Variants in GTF2IRD1 observed in about 807,000 individuals in gnomAD.
GTF2IRD1 encodes general transcription factor II-I repeat domain-containing protein 1.
In GTF2IRD1, 26 loss-of-function variants were observed where a neutral mutation model predicts 113.2. The ratio of observed to expected loss-of-function variants is 0.23; its 90% CI spans 0.17 to 0.32. The LOEUF (loss-of-function observed/expected upper bound fraction) is 0.32. GTF2IRD1 is among the 10% of genes least tolerant of loss of function. The probability of loss-of-function intolerance (pLI) is 1.00; values close to 1 mark genes in which losing one functional copy is unlikely to be tolerated. For missense variants in GTF2IRD1, 864 were observed against 1,280.8 expected, an observed-to-expected ratio of 0.67 and a Z score of 4.97; for synonymous variants, 484 against 529.1, an observed-to-expected ratio of 0.91 and a Z score of 1.17.
intron 25 of GTF2IRD1, among the ~76,000 whole-genome samples, chr7:74,596,822 C>A (rs1802444748): frequency 6.6e-6 from 1 of 152,084 alleles, no homozygotes; most frequent in Non-Finnish European, 1.5e-5. Flanking sequence ...AAGTACTAAC[C>A]AGGCCCGACC....
At chr7:74,586,350 G>A (rs13244286) in intron 22 of GTF2IRD1, among the ~76,000 whole-genome samples, 9,812 of 152,178 alleles carry the variant, frequency 0.064, 373 homozygotes, top group Middle Eastern at 0.14. Flanking sequence ...AGGAGAAGAC[G>A]AGGGTTCTAG....
Position 74,558,279 on chromosome 7 carries a change from C to CA in GTF2IRD1, c.2108-563dup, listed in dbSNP as rs142472718. On this transcript the variant is annotated intron_variant, in intron 20 of 26. Coordinates refer to ENST00000424337, the MANE Select transcript of GTF2IRD1 (RefSeq NM_005685.4). ...AGGCAACAAAAGCGAAACTCCGTCT[C>CA]AAAAAAAAAAAAAAAAAAATGGAGC... Among the ~76,000 whole-genome samples, 170 of 60,780 alleles carry CA rather than the reference C, an allele frequency of 2.8e-3. 1 individual carries two copies. Among genetic ancestry groups the CA allele is most frequent in the Middle Eastern group, 0.022 (3 of 136 alleles). The allele number at this position is 60,780 out of a possible 152,430, so 39.9% of individuals were successfully genotyped here.
At chr7:74,525,521 G>A (rs2130371669) in intron 8 of GTF2IRD1, among the ~76,000 whole-genome samples, 1 of 152,314 alleles carries the variant, frequency 6.6e-6, no homozygotes, top group East Asian at 1.9e-4. Context: ...GGAGGCCGAG[G>A]CAGGTGAATC....
At chr7:74,482,318 C>T (rs1036006140) in intron 1 of GTF2IRD1, among the ~76,000 whole-genome samples, 6 of 149,226 alleles carry the variant, frequency 4.0e-5, no homozygotes, top group Non-Finnish European at 8.9e-5. Context: ...GCCTCAACCT[C>T]ATGGGATCAA....
rs1368791009 is a variant in GTF2IRD1 at position 74,551,044 on chromosome 7, A to G, written c.1916+3758A>G. Among the ~76,000 whole-genome samples, 5 of 151,408 alleles carry G rather than the reference A, an allele frequency of 3.3e-5. No individual in the cohort carries two copies. In the East Asian group the frequency reaches 9.8e-4, roughly 30 times the overall value. ...TGACAGAGCAAGACCTCGTCCCTTT[A>G]AAAATACAAAGAGAGGCCGGGGCAT... On this transcript the variant is annotated intron_variant, in intron 17 of 26. Transcript: ENST00000424337.
rs1381882988 is a variant in GTF2IRD1, at chr7:74,575,048, C to T, written c.2321-14803C>T. ...GAAGTTGCAGTGAGCCGAGATTGCG[C>T]CATTGCGCTCCAGCTTGGGCAACAA... On this transcript the variant is annotated intron_variant, in intron 22 of 26. Transcript: ENST00000424337. Among the ~76,000 whole-genome samples the T allele has an allele frequency of 5.8e-4, 88 of 152,112 alleles. 2 individuals are homozygous for T. Among genetic ancestry groups the T allele is most frequent in the Non-Finnish European group, 2.9e-4 (20 of 68,044 alleles).
intron 25 of GTF2IRD1, among the ~76,000 whole-genome samples, chr7:74,597,693 A>G (rs782243906): frequency 6.6e-6 from 1 of 152,298 alleles, no homozygotes; most frequent in South Asian, 2.1e-4. Context: ...AAGAAAAAAT[A>G]CTGATCTAAT....
At chr7:74,466,780 G>C (rs2116956542) in intron 1 of GTF2IRD1, among the ~76,000 whole-genome samples, 1 of 152,192 alleles carries the variant, frequency 6.6e-6, no homozygotes, top group African/African-American at 2.4e-5. Flanking sequence ...CACAGACAGA[G>C]TGTGACTTCC....
chr7:74,489,599 T>C (rs901172445), intron 1 of GTF2IRD1, among the ~76,000 whole-genome samples: 1 of 152,158 alleles, frequency 6.6e-6, no homozygotes, highest in Non-Finnish European at 1.5e-5. Flanking sequence ...CACCTTGGCC[T>C]CCCAAAGTGC....
chr7:74,495,802 G>T (rs76851716), intron 1 of GTF2IRD1, among the ~76,000 whole-genome samples: 3,142 of 152,292 alleles, frequency 0.021, 101 homozygotes, highest in African/African-American at 0.072. Context: ...CCACCCAGGG[G>T]CCTGCAGACT....
At chr7:74,521,987 G>A (rs587627085) in intron 7 of GTF2IRD1, among the ~76,000 whole-genome samples, 107 of 152,160 alleles carry the variant, frequency 7.0e-4, no homozygotes, top group East Asian at 1.2e-3. Context: ...TCATTCACAC[G>A]GCTGTTCGTA....
At chr7:74,586,143 T>C (rs1554367674) in intron 22 of GTF2IRD1, among the ~76,000 whole-genome samples, 1 of 152,208 alleles carries the variant, frequency 6.6e-6, no homozygotes, top group Admixed American at 6.5e-5. Context: ...TGCATGGCCA[T>C]GCCTGCTGAG....
At chr7:74,460,370 A>G (rs782662027) in intron 1 of GTF2IRD1, among the ~76,000 whole-genome samples, 3 of 151,908 alleles carry the variant, frequency 2.0e-5, no homozygotes, top group African/African-American at 4.8e-5. Context: ...CCTGGGCTCA[A>G]TGTGATCCTC....
At chr7:74,577,035 TTTTA>T (rs1372601396) in intron 22 of GTF2IRD1, among the ~76,000 whole-genome samples, 1 of 151,618 alleles carries the variant, frequency 6.6e-6, no homozygotes, top group Non-Finnish European at 1.5e-5. Context: ...TGGGCATTTT[TTTTA>T]TTTGTTTGTT....
Position 74,590,995 on chromosome 7 carries a change from A to G in GTF2IRD1, c.2569A>G (p.Met857Val). ...KILKAREHVR[M>V]VIINQLQPFA... ...CCTGAAGGCCCGAGAGCATGTCCGC[A>G]TGGTCATCATTAACCAGCTCCAGTG... Residue 857 changes from methionine (M) to valine (V), a missense_variant, in exon 24 of 27, where the codon ATG becomes GTG. By Grantham distance (21) the Met-to-Val change is conservative (BLOSUM62 1). Transcript: ENST00000424337. 1 of 1,612,326 alleles carries G rather than the reference A, an allele frequency of 6.2e-7. No homozygotes were observed. Among genetic ancestry groups the G allele is most frequent in the Non-Finnish European group, 8.5e-7 (1 of 1,179,590 alleles).
intron 1 of GTF2IRD1, among the ~76,000 whole-genome samples, chr7:74,458,482 G>T (rs1429326139): frequency 6.6e-6 from 1 of 152,014 alleles, no homozygotes; most frequent in Non-Finnish European, 1.5e-5. Flanking sequence ...TTCTACCCAG[G>T]CTCCATACTC....
chr7:74,562,684 C>T (rs1252813679), intron 22 of GTF2IRD1, among the ~76,000 whole-genome samples: 1 of 148,410 alleles, frequency 6.7e-6, no homozygotes, highest in Non-Finnish European at 1.5e-5. Context: ...TCTCCTGCCT[C>T]AGCCTCCTGA....
At chr7:74,566,178 G>A (rs782179703) in intron 22 of GTF2IRD1, among the ~76,000 whole-genome samples, 1 of 152,068 alleles carries the variant, frequency 6.6e-6, no homozygotes, top group Non-Finnish European at 1.5e-5. Context: ...ACATCTCACT[G>A]TTCTTCTTTC....
At chr7:74,553,198 C>T (rs375978812) in intron 17 of GTF2IRD1, among the ~76,000 whole-genome samples, 2 of 151,246 alleles carry the variant, frequency 1.3e-5, no homozygotes, top group Non-Finnish European at 2.9e-5. Context: ...GGTGCTGTCT[C>T]GGCTCACTGT....
Sources: gnomAD v4.1 joint callset for allele counts (sites outside exome capture counted in the v4.1 genomes callset) on GRCh38, gnomAD v4.1.1 for gene constraint, MANE v1.5 for transcripts, NCBI Gene and HGNC (gene_info 2026-07-23, HGNC 2026-07-21) for gene names.